The following CD6 variants were observed in gnomAD, a reference collection of about 807,000 sequenced individuals.
The protein encoded by CD6 is T-cell differentiation antigen CD6.
A neutral mutation model predicts 75.3 loss-of-function variants in CD6; 53 were observed. That is an observed-to-expected ratio of 0.70 (90% confidence interval 0.56 to 0.88). The LOEUF (loss-of-function observed/expected upper bound fraction) is 0.88, where lower values mean the gene tolerates loss of function less well. Among genes scored for constraint, CD6 ranks in the 40% least tolerant of loss-of-function variants. CD6 has a pLI of 0.00. For missense variants in CD6, 770 were observed against 897.1 expected (o/e 0.86, Z 1.81); for synonymous variants, 359 against 381.5 (o/e 0.94, Z 0.69).
At chr11:60,997,249 G>A (rs1037623681) in intron 1 of CD6, among the ~76,000 whole-genome samples, 26 of 151,792 alleles carry the variant, frequency 1.7e-4, no homozygotes, top group Middle Eastern at 3.4e-3. Context: ...ATGGTGGTGC[G>A]TGCCTATAGT....
At chr11:60,986,168 C>G (rs1003372516) in intron 1 of CD6, among the ~76,000 whole-genome samples, 1 of 152,196 alleles carries the variant, frequency 6.6e-6, no homozygotes, top group African/African-American at 2.4e-5. Context: ...ATTAGTCATC[C>G]TTATTGTAAA....
At chr11:60,974,878 A>G (rs540188701) in intron 1 of CD6, among the ~76,000 whole-genome samples, 4 of 152,194 alleles carry the variant, frequency 2.6e-5, no homozygotes, top group African/African-American at 7.2e-5. Context: ...CAGACAATCT[A>G]TAAGAAAGCT....
chr11:60,982,676 C>G (rs1188415598), intron 1 of CD6: 7 of 455,892 alleles, frequency 1.5e-5, no homozygotes, highest in Non-Finnish European at 3.1e-5. Context: ...TGTTGCTTTG[C>G]CGGGATGGGA....
chr11:61,019,628 G>A lies in CD6; in HGVS notation c.*310G>A, dbSNP rs745529271. 4 of 321,198 alleles carry A rather than the reference G, an allele frequency of 1.2e-5. No individual in the cohort carries two copies. The highest frequency in any genetic ancestry group is 2.3e-5 in the Non-Finnish European group (4 of 176,242). 19.9% of individuals were successfully genotyped at this position (321,198 alleles called of 1,614,324 possible). A position where few individuals can be genotyped will look rare whatever the true frequency, so the allele number is the denominator to read the frequency against. On this transcript the variant is annotated 3_prime_UTR_variant, in exon 13 of 13. Coordinates refer to ENST00000313421, the MANE Select transcript of CD6 (RefSeq NM_006725.5). ...GCTACCTCTTGACAGCTGGTGGAGG[G>A]GAGTTGGGGAGCTGGACTGGATGAC...
intron 1 of CD6, among the ~76,000 whole-genome samples, chr11:60,972,906 A>G (rs999419753): frequency 6.6e-6 from 1 of 152,056 alleles, no homozygotes. Context: ...GTGGCCTCAT[A>G]CTGGTTCAGG....
In CD6 at chr11:61,011,116, T is replaced by A. The variant is rs1859120719; in HGVS notation, c.1131T>A (p.Ser377Arg). Residue 377 changes from serine (S) to arginine (R), a missense_variant, in exon 6 of 13, where the codon AGT (serine) becomes AGA (arginine). Physicochemically the swap from Ser to Arg is moderately radical, Grantham distance 110. Transcript: ENST00000313421. ...HNLSTPEVPA[S>R]VQTVTIESSV... ...TGTCCACTCCCGAAGTCCCTGCAAG[T>A]GTTCAGACAGTCACTATAGGTAAGT... The A allele has an allele frequency of 6.2e-7, 1 of 1,613,856 alleles. No homozygotes were observed. Among genetic ancestry groups the A allele is most frequent in the Non-Finnish European group, 8.5e-7 (1 of 1,179,968 alleles).
At chr11:60,979,452 T>G (rs1310541781) in intron 1 of CD6, among the ~76,000 whole-genome samples, 3 of 151,486 alleles carry the variant, frequency 2.0e-5, no homozygotes, top group African/African-American at 4.9e-5. Flanking sequence ...GCTCCATATT[T>G]TGTTTTGTTT....
At position 60,979,901 on chromosome 11, in the gene CD6, C is replaced by T. The variant is rs911218368; in HGVS notation, c.49+7987C>T. Among the ~76,000 whole-genome samples, 20 of 152,314 alleles carry T rather than the reference C, an allele frequency of 1.3e-4. 1 individual carries two copies. The South Asian group carries it at 2.9e-3, about 22-fold the overall frequency. On this transcript the variant is annotated intron_variant, in intron 1 of 12. Transcript: ENST00000313421. ...GTGGTAAGACACACCAGCACCACCC[C>T]GGGATAGGTGTGGCAACAGGCACAA...
At chr11:60,997,885 G>C (rs747624870) in intron 1 of CD6, among the ~76,000 whole-genome samples, 36 of 152,192 alleles carry the variant, frequency 2.4e-4, no homozygotes, top group Non-Finnish European at 3.4e-4. Context: ...AGCCACACGT[G>C]GCTGGTGGCT....
At chr11:60,998,558 A>AATGCTGAC (rs1320739519) in intron 1 of CD6, among the ~76,000 whole-genome samples, 1 of 152,098 alleles carries the variant, frequency 6.6e-6, no homozygotes, top group Non-Finnish European at 1.5e-5. Flanking sequence ...TGCCCCCAAC[A>AATGCTGAC]ATGCTGACAT....
In CD6 at chr11:61,011,178, C is replaced by CATGTGTGTGTGTGTGTGT. The variant is rs3220042; in HGVS notation, c.1150+43_1150+44insATGTGTGTGTGTGTGTGT. On this transcript the variant is annotated intron_variant, in intron 6 of 12. Coordinates refer to ENST00000313421, the MANE Select transcript of CD6 (RefSeq NM_006725.5). Reference sequence around the variant, plus strand: ...CTACGCGGTTTCTCAGAAGCTTGGACGTGTGTGTGTGTGTGTGTGTGTGTG... The same window carrying CATGTGTGTGTGTGTGTGT: ...CTACGCGGTTTCTCAGAAGCTTGGACATGTGTGTGTGTGTGTGTGTGTGTGTGTGTGTGTGTGTGTGTG... 1.0e-5 allele frequency: 9 copies of CATGTGTGTGTGTGTGTGT among 898,670 alleles called. No homozygotes were observed. In the African/African-American group the frequency reaches 1.2e-4, roughly 12 times the overall value. 55.7% of individuals were successfully genotyped at this position (898,670 alleles called of 1,614,324 possible). A position where few individuals can be genotyped will look rare whatever the true frequency, so the allele number is the denominator to read the frequency against.
chr11:61,006,790 C>T lies in CD6; in HGVS notation c.118+148C>T, dbSNP rs932692128. 8.9e-6 allele frequency: 6 copies of T among 673,192 alleles called. No homozygotes were observed. The African/African-American group carries it at 1.1e-4, about 12-fold the overall frequency. 41.7% of individuals were successfully genotyped at this position (673,192 alleles called of 1,614,324 possible). On this transcript the variant is annotated intron_variant, in intron 2 of 12. Transcript: ENST00000313421. ...CTTCCTGACCCATCACCTGAAGTTC[C>T]ACTATCAATTCACTTTGAGGTCGTA...
At position 61,007,921 on chromosome 11, in the gene CD6, A is replaced by ACC. The variant is rs1307029114; in HGVS notation, c.469+15_469+16dup. The ACC allele has an allele frequency of 1.2e-5, 16 of 1,309,110 alleles. No homozygotes were observed. The South Asian group carries it at 2.7e-4, about 22-fold the overall frequency. The allele number at this position is 1,309,110 out of a possible 1,614,324, so 81.1% of individuals were successfully genotyped here. On this transcript the variant is annotated intron_variant, in intron 3 of 12. Coordinates refer to ENST00000313421, the MANE Select transcript of CD6 (RefSeq NM_006725.5). This position sits in a 1 kb window ranked among gnomAD's most constrained non-coding sequence, Gnocchi z 4.2. ...GTGTCACCTGTGCAGGTACGAGCGC[A>ACC]CCCCCTACACGGGCCCCCACCTGCC...
At chr11:61,002,161 G>T (rs1344625354) in intron 1 of CD6, among the ~76,000 whole-genome samples, 3 of 152,150 alleles carry the variant, frequency 2.0e-5, no homozygotes, top group Non-Finnish European at 4.4e-5. Flanking sequence ...TCTTTATAAA[G>T]GCTGCATAAG....
At chr11:61,018,692 C>T in intron 12 of CD6, 1 of 369,366 alleles carries the variant, frequency 2.7e-6, no homozygotes, top group Non-Finnish European at 5.0e-6. Context: ...GTAGCACGTG[C>T]CTATAGTCCC....
chr11:61,018,281 G>A lies in CD6; in HGVS notation c.1838-8G>A. The A allele has an allele frequency of 1.3e-6, 2 of 1,588,112 alleles. No individual in the cohort carries two copies. Among genetic ancestry groups the A allele is most frequent in the Non-Finnish European group, 1.7e-6 (2 of 1,166,942 alleles). Reference sequence around the variant, plus strand: ...TGGCAGAGGGTGACTGGTTCTGGGGGTTTCCAGCAGGGCCCCCGGCTGATG... The same window carrying A: ...TGGCAGAGGGTGACTGGTTCTGGGGATTTCCAGCAGGGCCCCCGGCTGATG... On this transcript the variant is annotated splice_polypyrimidine_tract_variant and splice_region_variant and intron_variant, in intron 11 of 12. Coordinates refer to ENST00000313421, the MANE Select transcript of CD6 (RefSeq NM_006725.5).
chr11:61,011,421 G>C (rs1859148833), intron 6 of CD6, among the ~76,000 whole-genome samples: 1 of 149,620 alleles, frequency 6.7e-6, no homozygotes, highest in Non-Finnish European at 1.5e-5. Flanking sequence ...CAGAAGGAAA[G>C]AGCTGGAGAG....
At chr11:60,992,513 T>C (rs979849123) in intron 1 of CD6, among the ~76,000 whole-genome samples, 1 of 152,092 alleles carries the variant, frequency 6.6e-6, no homozygotes, top group Non-Finnish European at 1.5e-5. Flanking sequence ...AACCAAGACC[T>C]ACTGAATGGG....
At chr11:61,002,114 C>T (rs1858611988) in intron 1 of CD6, among the ~76,000 whole-genome samples, 1 of 152,214 alleles carries the variant, frequency 6.6e-6, no homozygotes, top group Admixed American at 6.5e-5. Flanking sequence ...CTCAACACAG[C>T]TTGGAAATCC....
Sources: allele counts gnomAD v4.1 joint callset (sites outside exome capture counted in the v4.1 genomes callset), GRCh38; gene constraint gnomAD v4.1.1; non-coding constraint Gnocchi (gnomAD v3.1); transcripts MANE v1.5; gene names NCBI Gene and HGNC (gene_info 2026-07-23, HGNC 2026-07-21).